The following ALDH18A1 variants were observed in gnomAD, a reference collection of about 807,000 sequenced individuals.
ALDH18A1 encodes aldehyde dehydrogenase 18 family member A1, also known as delta-1-pyrroline-5-carboxylate synthase.
In ALDH18A1, 44 loss-of-function variants were observed where a neutral mutation model predicts 88.8. That is an observed-to-expected ratio of 0.50 (90% confidence interval 0.39 to 0.64). ALDH18A1 has a LOEUF of 0.64. Among genes scored for constraint, ALDH18A1 ranks in the 30% least tolerant of loss-of-function variants. The pLI, the probability that ALDH18A1 is intolerant of heterozygous loss-of-function variation, is 0.00. For synonymous variants in ALDH18A1, 331 were observed against 372.1 expected, an observed-to-expected ratio of 0.89 and a Z score of 1.27; for missense variants, 782 against 1,009.5, an observed-to-expected ratio of 0.77 and a Z score of 3.05.
intron 7 of ALDH18A1, among the ~76,000 whole-genome samples, chr10:95,631,132 T>A (rs999034392): frequency 6.6e-6 from 1 of 152,086 alleles, no homozygotes; most frequent in Non-Finnish European, 1.5e-5. Flanking sequence ...TTCTTATGGG[T>A]CAGACTGTGA....
chr10:95,618,065 A>G (rs1216705417), intron 12 of ALDH18A1, among the ~76,000 whole-genome samples: 1 of 152,142 alleles, frequency 6.6e-6, no homozygotes, highest in African/African-American at 2.4e-5. Flanking sequence ...CTTATAGTAA[A>G]GAGGTGCTAG....
chr10:95,653,485 C>G, intron 1 of ALDH18A1, 80 bp from the exon 2 acceptor site: 1 of 1,224,934 alleles, frequency 8.2e-7, no homozygotes, highest in Non-Finnish European at 1.2e-6. Flanking sequence ...TCCCCTTACC[C>G]TCGGAGTAAA....
intron 14 of ALDH18A1, 36 bp from the exon 15 acceptor site, chr10:95,613,899 C>A (rs2097840180): frequency 3.7e-6 from 6 of 1,614,028 alleles, no homozygotes; most frequent in Non-Finnish European, 4.2e-6. Context: ...TTTCCATTGA[C>A]ATGATCCAGA....
At chr10:95,610,616 CCTT>C (rs1244039822) in intron 16 of ALDH18A1, among the ~76,000 whole-genome samples, 1 of 152,160 alleles carries the variant, frequency 6.6e-6, no homozygotes, top group Non-Finnish European at 1.5e-5. Context: ...AGCTTTGTGA[CCTT>C]CTGCAGGTGT....
In ALDH18A1 at chr10:95,606,719, C is replaced by T. The variant is rs753243343; in HGVS notation, c.*43G>A. 9 of 1,613,746 alleles carry T rather than the reference C, an allele frequency of 5.6e-6. No individual in the cohort carries two copies. The highest frequency in any genetic ancestry group is 5.0e-5 in the Admixed American group (3 of 60,002). On this transcript the variant is annotated 3_prime_UTR_variant, in exon 18 of 18. Coordinates refer to ENST00000371224, the MANE Select transcript of ALDH18A1 (RefSeq NM_002860.4). ...CTCTCCTGAGATAAGACAAGTTTAACGTGAAGACCTTTTGGAAAATTCCCG... is the reference window on the plus strand; with the variant it reads ...CTCTCCTGAGATAAGACAAGTTTAATGTGAAGACCTTTTGGAAAATTCCCG...
At chr10:95,642,854 C>T in intron 3 of ALDH18A1, 138 bp downstream of exon 3, 1 of 935,400 alleles carries the variant, frequency 1.1e-6, no homozygotes, top group Non-Finnish European at 1.7e-6. Context: ...CAGTGGGAAA[C>T]AGTTTTCACA....
intron 1 of ALDH18A1, among the ~76,000 whole-genome samples, chr10:95,655,468 A>G (rs561334851): frequency 4.6e-5 from 7 of 152,324 alleles, no homozygotes; most frequent in Non-Finnish European, 1.0e-4. Context: ...ACTATTAGAT[A>G]CAATCACACA....
Position 95,606,911 on chromosome 10 carries a change from G to T in ALDH18A1, c.2239C>A (p.His747Asn), listed in dbSNP as rs1252221436. Residue 747 changes from histidine to asparagine, a missense_variant, in exon 18 of 18, where the codon CAC becomes AAC. Physicochemically the swap from His to Asn is moderately conservative, Grantham distance 68. Around this residue, in one of 3 missense-constraint regions of ALDH18A1, gnomAD observed 556 missense variants for 654.5 expected, o/e 0.85. Coordinates refer to ENST00000371224, the MANE Select transcript of ALDH18A1 (RefSeq NM_002860.4). Reference sequence around the variant, plus strand: ...TCAAGTCCTACTGGTCCCCGGGCGTGGATTCTCGATGTACTGATTCCCACT... The same window carrying T: ...TCAAGTCCTACTGGTCCCCGGGCGTTGATTCTCGATGTACTGATTCCCACT... ...AEVGISTSRI[H>N]ARGPVGLEGL... 2 of 1,613,996 alleles carry T rather than the reference G, an allele frequency of 1.2e-6. No individual in the cohort carries two copies. The highest frequency in any genetic ancestry group is 2.7e-5 in the African/African-American group (2 of 74,906).
chr10:95,645,369 T>G (rs527330903), intron 2 of ALDH18A1, among the ~76,000 whole-genome samples: 8 of 152,326 alleles, frequency 5.3e-5, no homozygotes, highest in African/African-American at 1.9e-4. Flanking sequence ...TACCTTCACT[T>G]GAACCACTAT....
intron 16 of ALDH18A1, among the ~76,000 whole-genome samples, chr10:95,610,641 T>C (rs1435689664): frequency 6.6e-6 from 1 of 152,170 alleles, no homozygotes; most frequent in African/African-American, 2.4e-5. Context: ...CAAAACTCTC[T>C]GTGTCTGGGT....
chr10:95,651,810 T>C (rs1036736739), intron 2 of ALDH18A1, among the ~76,000 whole-genome samples: 1 of 152,198 alleles, frequency 6.6e-6, no homozygotes, highest in Non-Finnish European at 1.5e-5. Context: ...GGTAGGGACA[T>C]ACATTCAAAC....
chr10:95,632,780 A>G (rs1469591579), intron 7 of ALDH18A1, among the ~76,000 whole-genome samples, 179 bp downstream of exon 7: 1 of 152,224 alleles, frequency 6.6e-6, no homozygotes, highest in Non-Finnish European at 1.5e-5. Context: ...GATTCAAATG[A>G]CATCTCTTAG....
At chr10:95,616,811 G>T in intron 12 of ALDH18A1, 197 bp from the exon 13 acceptor site, 1 of 715,300 alleles carries the variant, frequency 1.4e-6, no homozygotes, top group Non-Finnish European at 2.4e-6. Context: ...GGGCACTGAA[G>T]CCCAGAGAGG....
chr10:95,641,213 AG>A (rs2097890704), intron 3 of ALDH18A1, among the ~76,000 whole-genome samples: 1 of 152,154 alleles, frequency 6.6e-6, no homozygotes, highest in African/African-American at 2.4e-5. Context: ...AGGAAGCCCC[AG>A]GAACAACCAT....
At chr10:95,621,830 T>C (rs575273165) in intron 11 of ALDH18A1, among the ~76,000 whole-genome samples, 20 of 152,320 alleles carry the variant, frequency 1.3e-4, no homozygotes, top group African/African-American at 4.6e-4. Flanking sequence ...TAAGGATACT[T>C]AGCATGGCAT....
At chr10:95,637,501 G>A in intron 3 of ALDH18A1, 65 bp from the exon 4 acceptor site, 5 of 1,574,278 alleles carry the variant, frequency 3.2e-6, no homozygotes, top group Non-Finnish European at 4.3e-6. Flanking sequence ...TCTTCACAAG[G>A]GATGGAGGTA....
intron 12 of ALDH18A1, among the ~76,000 whole-genome samples, chr10:95,619,598 C>G (rs1358339867): frequency 6.6e-6 from 1 of 152,060 alleles, no homozygotes; most frequent in African/African-American, 2.4e-5. Flanking sequence ...AGAGATAGAC[C>G]AATGGAACAG....
rs147819705 is a variant in ALDH18A1 at position 95,637,539 on chromosome 10, G to A, written c.304-103C>T. 2.9e-6 allele frequency: 4 copies of A among 1,389,030 alleles called. No homozygotes were observed. In the African/African-American group the frequency reaches 5.6e-5, roughly 20 times the overall value. The allele number at this position is 1,389,030 out of a possible 1,614,324, so 86.0% of individuals were successfully genotyped here. Reference sequence around the variant, plus strand: ...GTGGGCTATCGAGTAGATCCCAAATGCTGGTTTATGAACCAGCATGTGGCT... The same window carrying A: ...GTGGGCTATCGAGTAGATCCCAAATACTGGTTTATGAACCAGCATGTGGCT... On this transcript the variant is annotated intron_variant, in intron 3 of 17. Coordinates refer to ENST00000371224, the MANE Select transcript of ALDH18A1 (RefSeq NM_002860.4).
chr10:95,624,656 T>C (rs1275475576), intron 11 of ALDH18A1, among the ~76,000 whole-genome samples: 1 of 152,148 alleles, frequency 6.6e-6, no homozygotes, highest in Non-Finnish European at 1.5e-5. Context: ...GTCAGGGCCC[T>C]GACTCTCTAC....
Sources: gnomAD v4.1 joint callset for allele counts (sites outside exome capture counted in the v4.1 genomes callset) on GRCh38, gnomAD v4.1.1 for gene constraint, gnomAD v4.1.1 regional missense constraint, MANE v1.5 for transcripts, NCBI Gene and HGNC (gene_info 2026-07-23, HGNC 2026-07-21) for gene names.